FOXP1: variants seen among roughly 807,000 people sequenced by gnomAD.
FOXP1 encodes the protein forkhead box P1.
In FOXP1, 15 loss-of-function variants were observed where a neutral mutation model predicts 98.2. The ratio of observed to expected loss-of-function variants is 0.15; its 90% CI spans 0.10 to 0.24. The LOEUF is 0.24. Among genes scored for constraint, FOXP1 ranks in the 10% least tolerant of loss-of-function variants. FOXP1 has a pLI of 1.00. For missense variants in FOXP1, 633 were observed against 848.5 expected (o/e 0.75, Z 3.15); for synonymous variants, 371 against 314.5 (o/e 1.18, Z -1.90).
intron 6 of FOXP1, among the ~76,000 whole-genome samples, chr3:71,190,961 T>C (rs2062942950): frequency 6.6e-6 from 1 of 152,238 alleles, no homozygotes; most frequent in Non-Finnish European, 1.5e-5. Context: ...TGGGGTTCAA[T>C]TCCCTACATA....
At chr3:71,507,879 A>G (rs754835228) in intron 2 of FOXP1, among the ~76,000 whole-genome samples, 1 of 152,212 alleles carries the variant, frequency 6.6e-6, no homozygotes, top group Non-Finnish European at 1.5e-5. Context: ...ACCCAGCCCA[A>G]AACTGCTACT....
At chr3:71,437,525 G>A (rs1431719830) in intron 3 of FOXP1, among the ~76,000 whole-genome samples, 1 of 152,158 alleles carries the variant, frequency 6.6e-6, no homozygotes, top group Non-Finnish European at 1.5e-5. Flanking sequence ...CACCAGGAAT[G>A]GCAGATGCAC....
intron 5 of FOXP1, among the ~76,000 whole-genome samples, chr3:71,236,132 C>T (rs1378132437): frequency 2.6e-5 from 4 of 152,122 alleles, no homozygotes; most frequent in Admixed American, 6.5e-5. Flanking sequence ...ATCATCATAG[C>T]AGATGAGCCA....
chr3:71,409,788 C>T (rs988028372), intron 3 of FOXP1, among the ~76,000 whole-genome samples: 16 of 152,052 alleles, frequency 1.1e-4, no homozygotes, highest in African/African-American at 3.9e-4. Context: ...CTGAGGCAGG[C>T]GAATCACTTG....
At chr3:71,391,250 C>G (rs879905255) in intron 3 of FOXP1, among the ~76,000 whole-genome samples, 2 of 152,282 alleles carry the variant, frequency 1.3e-5, no homozygotes, top group Admixed American at 1.3e-4. Flanking sequence ...ATTTAGAAAT[C>G]TTTTTCTTAC....
chr3:71,173,619 G>T (rs932025554), intron 6 of FOXP1, among the ~76,000 whole-genome samples: 1 of 152,124 alleles, frequency 6.6e-6, no homozygotes, highest in African/African-American at 2.4e-5. Flanking sequence ...AGTGAGGGTG[G>T]GGGTGTGGGT....
At chr3:70,970,147 A>C (rs1047283292) in intron 19 of FOXP1, 1 of 153,820 alleles carries the variant, frequency 6.5e-6, no homozygotes, top group Admixed American at 6.4e-5. Flanking sequence ...AGTAGGAAAT[A>C]AATACTCCGT....
chr3:71,009,410 G>C (rs1478144348), intron 12 of FOXP1, among the ~76,000 whole-genome samples: 2 of 152,052 alleles, frequency 1.3e-5, no homozygotes, highest in African/African-American at 2.4e-5. Flanking sequence ...GAGCTAAGTC[G>C]AGTTGCTGTG....
intron 4 of FOXP1, among the ~76,000 whole-genome samples, chr3:71,323,710 G>C (rs2075526556): frequency 6.6e-6 from 1 of 152,200 alleles, no homozygotes; most frequent in East Asian, 1.9e-4. Context: ...ACACAGAATA[G>C]TTTTCACGAG....
chr3:71,167,151 A>C (rs924209910), intron 6 of FOXP1, among the ~76,000 whole-genome samples: 6 of 152,092 alleles, frequency 3.9e-5, no homozygotes, highest in Non-Finnish European at 7.4e-5. Context: ...TGAAGATGTT[A>C]TTATGTGGAA....
chr3:71,259,176 G>A (rs1378404700), intron 5 of FOXP1, among the ~76,000 whole-genome samples: 1 of 152,092 alleles, frequency 6.6e-6, no homozygotes, highest in Non-Finnish European at 1.5e-5. Context: ...GTAAAGAATG[G>A]GATGGGCTGC....
intron 2 of FOXP1, among the ~76,000 whole-genome samples, chr3:71,562,433 G>C (rs1026259321): frequency 3.9e-5 from 6 of 152,200 alleles, no homozygotes; most frequent in Non-Finnish European, 8.8e-5. Context: ...TGGCCAGGCT[G>C]GGGATGTGAA....
intron 13 of FOXP1, among the ~76,000 whole-genome samples, chr3:71,000,365 A>T (rs1364811053): frequency 2.6e-5 from 4 of 152,006 alleles, no homozygotes; most frequent in Non-Finnish European, 5.9e-5. Context: ...TGTGTTTAAG[A>T]TGTGCACGGT....
chr3:71,160,846 C>T (rs2061099122), intron 6 of FOXP1, among the ~76,000 whole-genome samples: 1 of 152,144 alleles, frequency 6.6e-6, no homozygotes. Flanking sequence ...GTTACTTGCT[C>T]AAATAGTTAA....
chr3:71,032,000 C>T (rs1467300049), intron 11 of FOXP1, among the ~76,000 whole-genome samples: 1 of 152,214 alleles, frequency 6.6e-6, no homozygotes. Context: ...AGGCTATTTT[C>T]GCATCTCTTC....
At chr3:70,979,183 G>C (rs975349009) in intron 14 of FOXP1, among the ~76,000 whole-genome samples, 5 of 148,812 alleles carry the variant, frequency 3.4e-5, no homozygotes, top group African/African-American at 9.9e-5. Context: ...CTAGGAGGCT[G>C]AGGTGGGAAG....
At chr3:71,266,928 G>T (rs527859693) in intron 5 of FOXP1, among the ~76,000 whole-genome samples, 1 of 152,200 alleles carries the variant, frequency 6.6e-6, no homozygotes, top group South Asian at 2.1e-4. Flanking sequence ...TGCAGTTTTG[G>T]ACTTTCAATG....
chr3:71,021,887 A>T (rs539281568), intron 11 of FOXP1, among the ~76,000 whole-genome samples: 11 of 151,736 alleles, frequency 7.2e-5, no homozygotes, highest in African/African-American at 2.4e-4. Context: ...GCAAATATTT[A>T]CTCCTGTTTT....
chr3:71,421,308 G>C (rs2083626373), intron 3 of FOXP1, among the ~76,000 whole-genome samples: 1 of 152,182 alleles, frequency 6.6e-6, no homozygotes, highest in African/African-American at 2.4e-5. Flanking sequence ...ACACATTAAA[G>C]GTGAATTTAG....
Sources: gnomAD v4.1 joint callset for allele counts (sites outside exome capture counted in the v4.1 genomes callset) on GRCh38, gnomAD v4.1.1 for gene constraint, MANE v1.5 for transcripts, NCBI Gene and HGNC (gene_info 2026-07-23, HGNC 2026-07-21) for gene names.